ZNRF1: variants seen among roughly 807,000 people sequenced by gnomAD.
ZNRF1 encodes E3 ubiquitin-protein ligase ZNRF1.
In ZNRF1, 3 loss-of-function variants were observed where a neutral mutation model predicts 18.4. The observed-to-expected ratio is 0.16, with a 90% confidence interval of 0.07 to 0.42. The LOEUF is 0.42. Ranked by LOEUF, ZNRF1 falls within the 10% of genes least tolerant of loss-of-function variation. ZNRF1 has a pLI of 0.99. For missense variants in ZNRF1, 310 were observed against 329.8 expected, an observed-to-expected ratio of 0.94 and a Z score of 0.47; for synonymous variants, 157 against 144.2, an observed-to-expected ratio of 1.09 and a Z score of -0.64.
chr16:75,064,275 C>A (rs895914605), intron 1 of ZNRF1, among the ~76,000 whole-genome samples: 11 of 151,760 alleles, frequency 7.2e-5, no homozygotes, highest in Non-Finnish European at 1.3e-4. Context: ...GCATTCCAAC[C>A]TGGGTGACAG....
At chr16:75,084,213 C>T (rs553022917) in intron 1 of ZNRF1, among the ~76,000 whole-genome samples, 60 of 152,206 alleles carry the variant, frequency 3.9e-4, no homozygotes, top group South Asian at 2.7e-3. Context: ...CCCTTAACTT[C>T]GAAGAGAGCA....
intron 1 of ZNRF1, among the ~76,000 whole-genome samples, chr16:75,069,982 A>G (rs900870741): frequency 6.6e-6 from 1 of 152,174 alleles, no homozygotes; most frequent in Non-Finnish European, 1.5e-5. Flanking sequence ...ATTAACTTCT[A>G]CACCCCTAAA....
intron 1 of ZNRF1, among the ~76,000 whole-genome samples, chr16:75,026,730 G>C (rs182675043): frequency 5.3e-5 from 8 of 152,124 alleles, no homozygotes; most frequent in Non-Finnish European, 1.2e-4. Context: ...GAGGCCAGGA[G>C]TTCGAGACCA....
chr16:75,103,814 G>C (rs567535342), intron 2 of ZNRF1, among the ~76,000 whole-genome samples: 1 of 152,000 alleles, frequency 6.6e-6, no homozygotes. Context: ...GTGAAACCCC[G>C]TCTCTACTAA....
intron 1 of ZNRF1, among the ~76,000 whole-genome samples, chr16:75,041,830 A>T (rs8052960): frequency 0.92 from 137,681 of 150,044 alleles, 63,549 homozygotes; most frequent in East Asian, 1. Context: ...TAAAAAAAAA[A>T]ATATATATAT....
At chr16:75,066,715 G>A (rs1045535815) in intron 1 of ZNRF1, among the ~76,000 whole-genome samples, 1 of 152,040 alleles carries the variant, frequency 6.6e-6, no homozygotes, top group African/African-American at 2.4e-5. Flanking sequence ...TGTTGACCAG[G>A]CTGGTCTCGA....
At chr16:75,078,919 C>G (rs552491375) in intron 1 of ZNRF1, among the ~76,000 whole-genome samples, 5 of 152,218 alleles carry the variant, frequency 3.3e-5, no homozygotes, top group African/African-American at 1.2e-4. Context: ...CCTTAACTTT[C>G]TTAACCTTGG....
intron 3 of ZNRF1, chr16:75,105,757 T>G (rs1316717792): frequency 6.6e-6 from 1 of 152,282 alleles, no homozygotes. Flanking sequence ...ATGCCAATTA[T>G]CTGTCTGGTT....
At chr16:75,080,538 G>T (rs1188961640) in intron 1 of ZNRF1, among the ~76,000 whole-genome samples, 1 of 152,212 alleles carries the variant, frequency 6.6e-6, no homozygotes, top group East Asian at 1.9e-4. Context: ...GTGCCTTTAG[G>T]AGCCCAGAAA....
chr16:75,095,702 A>G (rs2036189754), intron 2 of ZNRF1: 4 of 1,549,110 alleles, frequency 2.6e-6, no homozygotes, highest in Admixed American at 2.0e-5. Flanking sequence ...TTGGGCCCCC[A>G]TGGCCCAAAT....
At chr16:75,097,365 T>C (rs1056255241) in intron 2 of ZNRF1, among the ~76,000 whole-genome samples, 1 of 151,994 alleles carries the variant, frequency 6.6e-6, no homozygotes, top group Non-Finnish European at 1.5e-5. Context: ...GGGCGGCAGG[T>C]TCATTTGCCA....
intron 1 of ZNRF1, among the ~76,000 whole-genome samples, chr16:75,048,732 C>T (rs1368581981): frequency 6.6e-6 from 1 of 152,144 alleles, no homozygotes; most frequent in Non-Finnish European, 1.5e-5. Context: ...TCAGGAAGCT[C>T]ATGATGTCAG....
chr16:75,037,688 A>G (rs1016704411), intron 1 of ZNRF1, among the ~76,000 whole-genome samples: 2 of 151,926 alleles, frequency 1.3e-5, no homozygotes, highest in Admixed American at 6.6e-5. Context: ...CTTCTCTCCA[A>G]TTCACCTTTT....
At chr16:75,033,347 C>T (rs2035331373) in intron 1 of ZNRF1, among the ~76,000 whole-genome samples, 1 of 149,952 alleles carries the variant, frequency 6.7e-6, no homozygotes, top group Non-Finnish European at 1.5e-5. Flanking sequence ...AAGTTAACAT[C>T]TTAACAATAT....
At chr16:75,022,491 G>A (rs1177450634) in intron 1 of ZNRF1, among the ~76,000 whole-genome samples, 10 of 148,284 alleles carry the variant, frequency 6.7e-5, no homozygotes, top group East Asian at 2.0e-4. Flanking sequence ...GCGTGAACCC[G>A]GGAGGCGGAG....
chr16:75,089,266 C>G (rs2036109236), intron 1 of ZNRF1, among the ~76,000 whole-genome samples: 1 of 151,808 alleles, frequency 6.6e-6, no homozygotes, highest in Non-Finnish European at 1.5e-5. Flanking sequence ...CCATGCCCAG[C>G]TAATTAAAAA....
chr16:75,056,187 A>G (rs2035665498), intron 1 of ZNRF1, among the ~76,000 whole-genome samples: 1 of 152,180 alleles, frequency 6.6e-6, no homozygotes, highest in Non-Finnish European at 1.5e-5. Flanking sequence ...GATGAATTGG[A>G]ATCTTCTTCT....
chr16:75,091,358 C>CA (rs71158576), intron 1 of ZNRF1, among the ~76,000 whole-genome samples: 109,029 of 133,256 alleles, frequency 0.82, 44,994 homozygotes, highest in Non-Finnish European at 0.88. Flanking sequence ...GACTCCATCT[C>CA]AAAAAAAAAA....
intron 1 of ZNRF1, among the ~76,000 whole-genome samples, chr16:75,087,384 T>G (rs2036086258): frequency 6.6e-6 from 1 of 152,216 alleles, no homozygotes; most frequent in African/African-American, 2.4e-5. Flanking sequence ...CTCTGCTCTC[T>G]GGTACAGCCA....
Sources: allele counts gnomAD v4.1 joint callset (sites outside exome capture counted in the v4.1 genomes callset), GRCh38; gene constraint gnomAD v4.1.1; transcripts MANE v1.5; gene names NCBI Gene and HGNC (gene_info 2026-07-23, HGNC 2026-07-21).